NRXN1: variants seen among roughly 807,000 people sequenced by gnomAD.
NRXN1 encodes the protein neurexin-1.
NRXN1 carries 39 observed loss-of-function variants against 150.9 expected under a neutral mutation model. The ratio of observed to expected loss-of-function variants is 0.26; its 90% CI spans 0.20 to 0.34. The LOEUF (loss-of-function observed/expected upper bound fraction) is 0.34. NRXN1 is among the 10% of genes least tolerant of loss of function. The pLI is 1.00. For synonymous variants in NRXN1, 924 were observed against 757.0 expected (o/e 1.22, Z -3.62); for missense variants, 1,815 against 1,949.9 (o/e 0.93, Z 1.30).
intron 5 of NRXN1, among the ~76,000 whole-genome samples, chr2:50,882,478 G>A (rs1176378989): frequency 6.6e-6 from 1 of 151,838 alleles, no homozygotes; most frequent in African/African-American, 2.4e-5. Context: ...TGACATAGCT[G>A]GTGTACGGCT....
intron 15 of NRXN1, among the ~76,000 whole-genome samples, chr2:50,484,289 A>G (rs988702916): frequency 1.3e-5 from 2 of 152,162 alleles, no homozygotes; most frequent in Non-Finnish European, 2.9e-5. Context: ...CCAAAAAAGA[A>G]TTCCTTCTGT....
intron 18 of NRXN1, among the ~76,000 whole-genome samples, chr2:50,120,279 AC>A (rs1357247707): frequency 7.9e-6 from 1 of 127,082 alleles, no homozygotes; most frequent in African/African-American, 3.7e-5. Context: ...TGACTAGGGA[AC>A]TCCAAAAAAA....
intron 5 of NRXN1, among the ~76,000 whole-genome samples, chr2:50,648,103 T>C (rs1173755181): frequency 1.3e-5 from 2 of 152,006 alleles, no homozygotes; most frequent in Admixed American, 1.3e-4. Flanking sequence ...ATTATATGCA[T>C]GAATTATTCC....
intron 18 of NRXN1, among the ~76,000 whole-genome samples, chr2:50,127,406 T>C (rs552906446): frequency 6.6e-6 from 1 of 152,150 alleles, no homozygotes; most frequent in East Asian, 1.9e-4. Flanking sequence ...TGAAAAAGTA[T>C]AGGTTTTCTT....
chr2:50,397,119 T>G (rs2103884470), intron 17 of NRXN1, among the ~76,000 whole-genome samples: 1 of 152,212 alleles, frequency 6.6e-6, no homozygotes, highest in Middle Eastern at 3.4e-3. Context: ...CTCTCTGGTA[T>G]CAGGTCACTG....
intron 21 of NRXN1, among the ~76,000 whole-genome samples, chr2:49,944,803 A>G (rs541733296): frequency 3.9e-5 from 6 of 152,330 alleles, no homozygotes; most frequent in African/African-American, 1.4e-4. Context: ...TGTTCAAACA[A>G]TTCTCAGAAT....
intron 15 of NRXN1, among the ~76,000 whole-genome samples, chr2:50,476,456 G>A (rs541260332): frequency 2.0e-5 from 3 of 151,722 alleles, no homozygotes; most frequent in Admixed American, 6.6e-5. Context: ...TATGAAATGG[G>A]GTTGATAATG....
At chr2:50,591,381 C>CAGATAGATAGATAGATAGATAGAT (rs59774040) in intron 8 of NRXN1, among the ~76,000 whole-genome samples, 2 of 134,722 alleles carry the variant, frequency 1.5e-5, no homozygotes, top group African/African-American at 2.8e-5. Context: ...CACTATATAT[C>CAGATAGATAGATAGATAGATAGAT]AGATAGATAG....
chr2:50,206,476 A>G (rs1403120790), intron 18 of NRXN1, among the ~76,000 whole-genome samples: 1 of 151,914 alleles, frequency 6.6e-6, no homozygotes, highest in Non-Finnish European at 1.5e-5. Context: ...ATTTCAATCT[A>G]TTGCTCCTCA....
At chr2:50,716,922 T>C (rs886842038) in intron 5 of NRXN1, among the ~76,000 whole-genome samples, 1 of 152,184 alleles carries the variant, frequency 6.6e-6, no homozygotes, top group East Asian at 1.9e-4. Flanking sequence ...TTCTGCCATT[T>C]GTTCATTCAT....
At chr2:49,935,434 C>T (rs956399369) in intron 22 of NRXN1, among the ~76,000 whole-genome samples, 2 of 151,976 alleles carry the variant, frequency 1.3e-5, no homozygotes, top group African/African-American at 2.4e-5. Flanking sequence ...CTTTAATACA[C>T]CATTTTTAAC....
intron 2 of NRXN1, among the ~76,000 whole-genome samples, chr2:50,969,796 T>C (rs1181047121): frequency 2.0e-5 from 3 of 152,088 alleles, no homozygotes; most frequent in South Asian, 2.1e-4. Flanking sequence ...CTGAAAAAAA[T>C]CAAATTGCAA....
chr2:50,812,319 C>A (rs907081360), intron 5 of NRXN1, among the ~76,000 whole-genome samples: 1 of 152,130 alleles, frequency 6.6e-6, no homozygotes. Context: ...GAAATAATAT[C>A]TTTGCGGTTA....
chr2:50,204,131 G>A (rs1033158709), intron 18 of NRXN1, among the ~76,000 whole-genome samples: 1 of 151,962 alleles, frequency 6.6e-6, no homozygotes, highest in Non-Finnish European at 1.5e-5. Flanking sequence ...AAGTGAATAA[G>A]GATCACAATA....
At chr2:50,762,298 T>G (rs1372810944) in intron 5 of NRXN1, among the ~76,000 whole-genome samples, 2 of 151,926 alleles carry the variant, frequency 1.3e-5, no homozygotes, top group Non-Finnish European at 2.9e-5. Context: ...CATGCCACCA[T>G]GTCCAGCTCT....
At chr2:51,015,418 T>C (rs181526712) in intron 2 of NRXN1, among the ~76,000 whole-genome samples, 7 of 152,198 alleles carry the variant, frequency 4.6e-5, no homozygotes. Flanking sequence ...CTGTTTAGGA[T>C]ACAAATAAGG....
Position 49,952,513 on chromosome 2 carries a change from GTTCT to G in NRXN1, c.4129-8726_4129-8723del, listed in dbSNP as rs139704623. On this transcript the variant is annotated intron_variant, in intron 21 of 22. Transcript: ENST00000401669. ...TTTTGAAATGGAGTTAACCCAGAGAGTTCTTTATTTACTTGTGAAAATCTTTTCT... is the reference window on the plus strand; with the variant it reads ...TTTTGAAATGGAGTTAACCCAGAGAGTTATTTACTTGTGAAAATCTTTTCT... 3.8e-3 allele frequency among the ~76,000 whole-genome samples: 582 copies of G among 152,122 alleles called. 4 individuals are homozygous for G. The highest frequency in any genetic ancestry group is 0.013 in the African/African-American group (554 of 41,566).
chr2:50,217,448 A>T (rs892496599), intron 18 of NRXN1, among the ~76,000 whole-genome samples: 7 of 152,062 alleles, frequency 4.6e-5, no homozygotes, highest in Non-Finnish European at 8.8e-5. Flanking sequence ...CAAAGCTTAA[A>T]AAAACGTAAA....
intron 18 of NRXN1, among the ~76,000 whole-genome samples, chr2:50,145,358 C>T (rs866626370): frequency 2.0e-5 from 3 of 151,654 alleles, no homozygotes; most frequent in Middle Eastern, 3.4e-3. Context: ...GAATTACATA[C>T]ATCATGGCGC....
Sources: gnomAD v4.1 joint callset for allele counts (sites outside exome capture counted in the v4.1 genomes callset) on GRCh38, gnomAD v4.1.1 for gene constraint, MANE v1.5 for transcripts, NCBI Gene and HGNC (gene_info 2026-07-23, HGNC 2026-07-21) for gene names.